Variants in CXADR observed in about 807,000 individuals in gnomAD.
CXADR encodes coxsackievirus and adenovirus receptor.
In CXADR, 20 loss-of-function variants were observed where a neutral mutation model predicts 40.3. The ratio of observed to expected loss-of-function variants is 0.50; its 90% CI spans 0.35 to 0.72. CXADR has a LOEUF of 0.72. Ranked by LOEUF, CXADR falls within the 30% of genes least tolerant of loss-of-function variation. The pLI is 0.01. For missense variants in CXADR, 332 were observed against 449.1 expected, an observed-to-expected ratio of 0.74 and a Z score of 2.36; for synonymous variants, 150 against 161.3, an observed-to-expected ratio of 0.93 and a Z score of 0.53.
intron 3 of CXADR, among the ~76,000 whole-genome samples, chr21:17,556,760 T>C (rs1337166307): frequency 6.6e-6 from 1 of 152,186 alleles, no homozygotes; most frequent in African/African-American, 2.4e-5. Flanking sequence ...CAGTTAAATA[T>C]GTGTTGACCC....
intron 1 of CXADR, among the ~76,000 whole-genome samples, chr21:17,532,980 G>T (rs1204924747): frequency 6.6e-6 from 1 of 152,200 alleles, no homozygotes; most frequent in African/African-American, 2.4e-5. Flanking sequence ...GTCTGCATTT[G>T]TTGGGAGCTG....
chr21:17,590,615 TTG>T lies in CXADR; in HGVS notation c.1018-2533_1018-2532del, dbSNP rs113838272. 8.2e-3 allele frequency among the ~76,000 whole-genome samples: 1,254 copies of T among 152,176 alleles called. 25 individuals carry two copies. The highest frequency in any genetic ancestry group is 0.028 in the African/African-American group (1,156 of 41,538). On this transcript the variant is annotated intron_variant, in intron 7 of 7. Coordinates refer to the CXADR transcript ENST00000400169. Reference sequence around the variant, plus strand: ...TGCCATATGCAATGCAGGGATATTGTTGTGTTTCCGTAAGAGCCTCACAATGT... The same window carrying T: ...TGCCATATGCAATGCAGGGATATTGTTGTTTCCGTAAGAGCCTCACAATGT...
the CXADR span, chr21:17,608,805 A>G: frequency 1.6e-6 from 1 of 643,266 alleles, no homozygotes; most frequent in Non-Finnish European, 2.4e-6. Context: ...CTCCGCCAAC[A>G]AATACTTGTT....
intron 1 of CXADR, among the ~76,000 whole-genome samples, chr21:17,514,738 A>T (rs1399667565): frequency 6.6e-6 from 1 of 151,500 alleles, no homozygotes; most frequent in East Asian, 1.9e-4. Context: ...CGTTTAAGCG[A>T]TTCTCCTGCC....
the CXADR span, among the ~76,000 whole-genome samples, chr21:17,635,979 TTTATAGTTTTCAGTGTACAGGTCTTGA>T: frequency 3.3e-5 from 5 of 152,244 alleles, no homozygotes; most frequent in African/African-American, 1.2e-4. Context: ...TCAGCAATGT[TTTATAGTTTTCAGTGTACAGGTCTTGA>T]ACATCTTTTG....
chr21:17,570,255 A>G (rs748444656), downstream of CXADR: 53 of 888,572 alleles, frequency 6.0e-5, no homozygotes, highest in Middle Eastern at 5.7e-4. Context: ...ATATTAATAC[A>G]TCATTGAAAA....
At chr21:17,602,928 A>C in the CXADR span, among the ~76,000 whole-genome samples, 2 of 152,222 alleles carry the variant, frequency 1.3e-5, no homozygotes, top group East Asian at 3.8e-4. Flanking sequence ...GTTTAGGATC[A>C]TTATATTGAA....
intron 6 of CXADR, among the ~76,000 whole-genome samples, chr21:17,561,730 A>C (rs574411887): frequency 6.6e-6 from 1 of 152,130 alleles, no homozygotes; most frequent in Non-Finnish European, 1.5e-5. Flanking sequence ...TTATCTCAAG[A>C]CTGCCTGCTT....
chr21:17,522,907 A>G (rs1239435214), intron 1 of CXADR, among the ~76,000 whole-genome samples: 2 of 151,970 alleles, frequency 1.3e-5, no homozygotes, highest in African/African-American at 4.8e-5. Context: ...TCTGTTTCAC[A>G]CTCTTCTCTC....
rs200223066 is a variant in CXADR at position 17,551,847 on chromosome 21, A to G, written c.309A>G (p.Ala103=). ...FTSNDLKSGD[A]SINVTNLQLS... is the part of the protein sequence containing the mutation. ...GTAATGATCTCAAATCTGGTGATGCATCAATAAATGTAACGAATTTACAAC... is the reference window on the plus strand; with the variant it reads ...GTAATGATCTCAAATCTGGTGATGCGTCAATAAATGTAACGAATTTACAAC... Residue 103 remains alanine, a synonymous_variant, in exon 3 of 7, where the codon GCA becomes GCG. Transcript: ENST00000284878. 1.9e-6 allele frequency: 3 copies of G among 1,613,838 alleles called. No individual in the cohort carries two copies. The South Asian group carries it at 3.3e-5, about 18-fold the overall frequency.
At chr21:17,595,856 G>T (rs1265687529), downstream of CXADR, among the ~76,000 whole-genome samples, 3 of 151,984 alleles carry the variant, frequency 2.0e-5, no homozygotes, top group East Asian at 5.8e-4. Context: ...ACGTTAAAAA[G>T]TTCCAGTTTT....
chr21:17,635,532 G>C, the CXADR span, among the ~76,000 whole-genome samples: 2 of 151,986 alleles, frequency 1.3e-5, no homozygotes, highest in East Asian at 3.8e-4. Context: ...CCAGAGGGTG[G>C]AATCACTTGG....
chr21:17,551,305 C>T (rs1047463656), intron 2 of CXADR, among the ~76,000 whole-genome samples: 8 of 151,998 alleles, frequency 5.3e-5, no homozygotes, highest in African/African-American at 1.2e-4. Context: ...GAGGCAGAGG[C>T]GAGAGAATTG....
downstream of CXADR, among the ~76,000 whole-genome samples, chr21:17,572,207 C>CAT (rs2061283025): frequency 1.4e-5 from 2 of 141,288 alleles, no homozygotes; most frequent in Admixed American, 1.4e-4. Flanking sequence ...ACTAAAAATA[C>CAT]AAAAAAAAAA....
intron 4 of CXADR, among the ~76,000 whole-genome samples, chr21:17,559,628 C>A (rs1352640123): frequency 7.0e-6 from 1 of 143,008 alleles, no homozygotes; most frequent in African/African-American, 2.6e-5. Flanking sequence ...TCTATGATTT[C>A]ATTTTTTTAG....
At chr21:17,586,397 A>ATG (rs1205132551) in intron 7 of CXADR, among the ~76,000 whole-genome samples, 9 of 125,746 alleles carry the variant, frequency 7.2e-5, no homozygotes, top group South Asian at 2.4e-4. Context: ...TATATATATA[A>ATG]TGTGTATATA....
At chr21:17,523,538 C>G (rs965273280) in intron 1 of CXADR, among the ~76,000 whole-genome samples, 9 of 151,828 alleles carry the variant, frequency 5.9e-5, no homozygotes, top group African/African-American at 1.9e-4. Context: ...CACCTTTCAT[C>G]TGTCATAGAA....
At chr21:17,554,273 GA>G (rs2061006585) in intron 3 of CXADR, among the ~76,000 whole-genome samples, 1 of 113,190 alleles carries the variant, frequency 8.8e-6, no homozygotes, top group South Asian at 2.9e-4. Context: ...TCCCAAAAAG[GA>G]ACCTGAGTTG....
chr21:17,591,953 TTA>T (rs2061440168), intron 7 of CXADR, among the ~76,000 whole-genome samples: 1 of 151,942 alleles, frequency 6.6e-6, no homozygotes, highest in South Asian at 2.1e-4. Context: ...AAAGCCATAT[TTA>T]TGAGAGCTTT....
Sources: gnomAD v4.1 joint callset for allele counts (sites outside exome capture counted in the v4.1 genomes callset) on GRCh38, gnomAD v4.1.1 for gene constraint, MANE v1.5 for transcripts, NCBI Gene and HGNC (gene_info 2026-07-23, HGNC 2026-07-21) for gene names.